Variants in KCND2 observed in about 807,000 individuals in gnomAD.
KCND2 encodes potassium voltage-gated channel subfamily D member 2, also known as A-type voltage-gated potassium channel KCND2.
In KCND2, 16 loss-of-function variants were observed where a neutral mutation model predicts 54.4. The ratio of observed to expected loss-of-function variants is 0.29; its 90% CI spans 0.20 to 0.45. The LOEUF (loss-of-function observed/expected upper bound fraction) is 0.45, where lower values mean the gene tolerates loss of function less well. Among genes scored for constraint, KCND2 ranks in the 20% least tolerant of loss-of-function variants. The pLI, the probability that KCND2 is intolerant of heterozygous loss-of-function variation, is 1.00. For missense variants in KCND2, 486 were observed against 824.2 expected, an observed-to-expected ratio of 0.59 and a Z score of 5.02; for synonymous variants, 317 against 310.7, an observed-to-expected ratio of 1.02 and a Z score of -0.21.
chr7:120,614,540 A>T (rs1792997715), intron 1 of KCND2, among the ~76,000 whole-genome samples: 1 of 152,068 alleles, frequency 6.6e-6, no homozygotes, highest in Non-Finnish European at 1.5e-5. Context: ...CCTGAATTTC[A>T]CCTCACAACA....
chr7:120,363,055 CT>C (rs1800615601), intron 1 of KCND2, among the ~76,000 whole-genome samples: 1 of 151,970 alleles, frequency 6.6e-6, no homozygotes, highest in Admixed American at 6.6e-5. Flanking sequence ...GTAATTTCAG[CT>C]TTGGGAGGTC....
chr7:120,580,577 CT>C (rs1471201766), intron 1 of KCND2, among the ~76,000 whole-genome samples: 1 of 152,182 alleles, frequency 6.6e-6, no homozygotes, highest in Admixed American at 6.6e-5. Context: ...ACACCTGCCC[CT>C]GTACCAAATG....
At chr7:120,558,029 G>C (rs566226809) in intron 1 of KCND2, among the ~76,000 whole-genome samples, 1 of 151,942 alleles carries the variant, frequency 6.6e-6, no homozygotes, top group Non-Finnish European at 1.5e-5. Context: ...TACAATACAG[G>C]CCTCTTAAAT....
intron 1 of KCND2, among the ~76,000 whole-genome samples, chr7:120,328,649 A>C (rs1292570576): frequency 6.6e-6 from 1 of 152,158 alleles, no homozygotes; most frequent in East Asian, 1.9e-4. Context: ...AAAGGGAGGA[A>C]AAACTTATCA....
At chr7:120,684,684 AG>A (rs1035849899) in intron 1 of KCND2, among the ~76,000 whole-genome samples, 1 of 152,162 alleles carries the variant, frequency 6.6e-6, no homozygotes, top group Non-Finnish European at 1.5e-5. Context: ...GCTGCACAGC[AG>A]GAGGTGAGCA....
intron 1 of KCND2, among the ~76,000 whole-genome samples, chr7:120,440,143 T>G (rs182639716): frequency 6.6e-6 from 1 of 152,006 alleles, no homozygotes; most frequent in Non-Finnish European, 1.5e-5. Context: ...TTCTCCACGC[T>G]CTCACCAGCA....
chr7:120,744,813 A>T (rs1269115199), intron 4 of KCND2, among the ~76,000 whole-genome samples: 1 of 152,264 alleles, frequency 6.6e-6, no homozygotes, highest in Non-Finnish European at 1.5e-5. Context: ...TTATAAGACT[A>T]TCCCCACCCA....
At chr7:120,383,916 T>A (rs1042664825) in intron 1 of KCND2, among the ~76,000 whole-genome samples, 3 of 152,106 alleles carry the variant, frequency 2.0e-5, no homozygotes, top group Non-Finnish European at 4.4e-5. Context: ...ATCTGAGTTA[T>A]CAATCTAATT....
intron 1 of KCND2, among the ~76,000 whole-genome samples, chr7:120,354,579 A>G (rs985053679): frequency 6.6e-6 from 1 of 152,236 alleles, no homozygotes; most frequent in East Asian, 1.9e-4. Flanking sequence ...GACTATCCAC[A>G]GTTATCTGAG....
chr7:120,615,130 G>T (rs1009037423), intron 1 of KCND2, among the ~76,000 whole-genome samples: 2 of 152,126 alleles, frequency 1.3e-5, no homozygotes, highest in African/African-American at 4.8e-5. Context: ...CAATATGAGG[G>T]CTCGGAACCT....
chr7:120,611,582 A>G (rs1792955706), intron 1 of KCND2, among the ~76,000 whole-genome samples: 1 of 152,168 alleles, frequency 6.6e-6, no homozygotes, highest in Non-Finnish European at 1.5e-5. Flanking sequence ...TTGTGTCCAG[A>G]AAACCCTGAT....
chr7:120,746,123 C>A, intron 5 of KCND2, 96 bp downstream of exon 5: 2 of 1,411,530 alleles, frequency 1.4e-6, no homozygotes, highest in South Asian at 1.2e-5. Context: ...ATCTAAATCC[C>A]TAGCTCCTAT....
intron 1 of KCND2, among the ~76,000 whole-genome samples, chr7:120,729,264 G>A (rs997168448): frequency 4.6e-5 from 7 of 152,278 alleles, no homozygotes; most frequent in Admixed American, 1.3e-4. Context: ...GAGACAAAAT[G>A]AGTAATGTAA....
chr7:120,730,220 CGTGT>C (rs1252163768), intron 1 of KCND2, among the ~76,000 whole-genome samples: 16 of 151,296 alleles, frequency 1.1e-4, no homozygotes, highest in Admixed American at 9.9e-4. Context: ...TTTTAAAAGC[CGTGT>C]GTGTGTGTGC....
At position 120,310,146 on chromosome 7, in the gene KCND2, C is replaced by T. The variant is rs142542352; in HGVS notation, c.1115+34399C>T. ...TGTACTCCTGAGAGAGGGGATGGGACGGAGGAAAAGATAGAATCACGTTAG... is the reference window on the plus strand; with the variant it reads ...TGTACTCCTGAGAGAGGGGATGGGATGGAGGAAAAGATAGAATCACGTTAG... On this transcript the variant is annotated intron_variant, in intron 1 of 5. Coordinates refer to ENST00000331113, the MANE Select transcript of KCND2 (RefSeq NM_012281.3). Among the ~76,000 whole-genome samples the T allele has an allele frequency of 2.5e-4, 38 of 151,966 alleles. No individual in the cohort carries two copies. The East Asian group carries it at 3.9e-3, about 15-fold the overall frequency.
intron 1 of KCND2, among the ~76,000 whole-genome samples, chr7:120,718,458 A>G (rs1044693509): frequency 6.6e-6 from 1 of 152,168 alleles, no homozygotes; most frequent in Non-Finnish European, 1.5e-5. Flanking sequence ...TAGTATAAAA[A>G]TCAAATTTCA....
intron 1 of KCND2, among the ~76,000 whole-genome samples, chr7:120,682,549 A>C (rs1792152341): frequency 6.6e-6 from 1 of 152,110 alleles, no homozygotes; most frequent in African/African-American, 2.4e-5. Context: ...GTGTTCTCCA[A>C]GAATAGTATA....
intron 1 of KCND2, among the ~76,000 whole-genome samples, chr7:120,303,824 C>A (rs184744146): frequency 1.1e-3 from 173 of 152,228 alleles, no homozygotes; most frequent in African/African-American, 3.5e-3. Flanking sequence ...AAGTGAATAA[C>A]AGGAAAATAT....
chr7:120,642,518 C>G (rs933026106), intron 1 of KCND2, among the ~76,000 whole-genome samples: 1 of 151,026 alleles, frequency 6.6e-6, no homozygotes, highest in African/African-American at 2.4e-5. Flanking sequence ...GCTGAGACTG[C>G]ACTCCAGCCT....
Sources: allele counts gnomAD v4.1 joint callset (sites outside exome capture counted in the v4.1 genomes callset), GRCh38; gene constraint gnomAD v4.1.1; transcripts MANE v1.5; gene names NCBI Gene and HGNC (gene_info 2026-07-23, HGNC 2026-07-21).